Variants in ADK observed in about 807,000 individuals in gnomAD.
The protein encoded by ADK is N6,N6-dimethyladenosine kinase.
ADK carries 24 observed loss-of-function variants against 44.7 expected under a neutral mutation model. That is an observed-to-expected ratio of 0.54 (90% CI 0.39 to 0.76). ADK has a LOEUF of 0.76. Ranked by LOEUF, ADK falls within the 30% of genes least tolerant of loss-of-function variation. The pLI is 0.00. For missense variants in ADK, 321 were observed against 425.1 expected, an observed-to-expected ratio of 0.76 and a Z score of 2.15; for synonymous variants, 128 against 142.6, an observed-to-expected ratio of 0.90 and a Z score of 0.73.
intron 4 of ADK, among the ~76,000 whole-genome samples, chr10:74,340,550 A>G (rs1841549804): frequency 6.6e-6 from 1 of 152,176 alleles, no homozygotes; most frequent in Non-Finnish European, 1.5e-5. Context: ...AAAAGAATAG[A>G]AACCTAGACT....
intron 8 of ADK, among the ~76,000 whole-genome samples, chr10:74,597,999 T>G (rs577921433): frequency 6.6e-6 from 1 of 152,314 alleles, no homozygotes; most frequent in African/African-American, 2.4e-5. Context: ...CCTGTTTTCT[T>G]TAATTTTTGC....
intron 9 of ADK, among the ~76,000 whole-genome samples, chr10:74,650,758 A>G (rs1854233697): frequency 6.6e-6 from 1 of 152,208 alleles, no homozygotes; most frequent in African/African-American, 2.4e-5. Flanking sequence ...CCCAGTTTGT[A>G]TATGGTGTCT....
intron 1 of ADK, among the ~76,000 whole-genome samples, chr10:74,200,485 C>CAA (rs78504019): frequency 3.3e-3 from 307 of 93,954 alleles, no homozygotes; most frequent in African/African-American, 0.01. Flanking sequence ...ACTCCGTGTC[C>CAA]AAAAAAAAAA....
chr10:74,514,951 A>G (rs1211207246), intron 6 of ADK, among the ~76,000 whole-genome samples: 1 of 152,046 alleles, frequency 6.6e-6, no homozygotes, highest in Non-Finnish European at 1.5e-5. Context: ...CAACTCCCCA[A>G]GTAGCTGGAA....
rs1298516338 is a variant in ADK at position 74,464,231 on chromosome 10, A to G, written c.556-61025A>G. 3.3e-5 allele frequency among the ~76,000 whole-genome samples: 5 copies of G among 152,160 alleles called. No individual in the cohort carries two copies. The East Asian group carries it at 9.6e-4, about 29-fold the overall frequency. ...AAATTTTCATCTTTGTAAGGATATC[A>G]TGTGAGTGTGCTCAAGGTTTGTTCT... On this transcript the variant is annotated intron_variant, in intron 6 of 10. Coordinates refer to ENST00000539909, the MANE Select transcript of ADK (RefSeq NM_006721.4).
intron 2 of ADK, among the ~76,000 whole-genome samples, chr10:74,216,234 T>A (rs1844012205): frequency 6.6e-6 from 1 of 152,220 alleles, no homozygotes; most frequent in Non-Finnish European, 1.5e-5. Context: ...TACCCTATTA[T>A]ATGTCTTTGC....
intron 4 of ADK, among the ~76,000 whole-genome samples, chr10:74,389,740 G>A (rs557836553): frequency 6.6e-6 from 1 of 152,080 alleles, no homozygotes; most frequent in Non-Finnish European, 1.5e-5. Context: ...TGAAATATTC[G>A]ATAGTAAAAG....
intron 9 of ADK, chr10:74,655,118 G>C (rs541735768): frequency 6.9e-6 from 2 of 291,706 alleles, no homozygotes; most frequent in African/African-American, 4.5e-5. Flanking sequence ...TTGAGGTTGG[G>C]GGTCAAGAAG....
intron 9 of ADK, among the ~76,000 whole-genome samples, chr10:74,666,104 G>A (rs1042304753): frequency 4.6e-5 from 7 of 152,102 alleles, no homozygotes; most frequent in Non-Finnish European, 1.0e-4. Context: ...AGATATTGTG[G>A]CAATTGTAGA....
chr10:74,510,167 A>T (rs187398966), intron 6 of ADK, among the ~76,000 whole-genome samples: 1 of 152,110 alleles, frequency 6.6e-6, no homozygotes, highest in East Asian at 1.9e-4. Flanking sequence ...ACTATTCTCC[A>T]TAGTGGCTAT....
At chr10:74,502,927 A>C (rs1847930875) in intron 6 of ADK, among the ~76,000 whole-genome samples, 1 of 152,208 alleles carries the variant, frequency 6.6e-6, no homozygotes, top group South Asian at 2.1e-4. Flanking sequence ...AATCTGCCTT[A>C]GTTTTCAATT....
chr10:74,647,269 G>A (rs912533199), intron 9 of ADK, among the ~76,000 whole-genome samples: 1 of 152,148 alleles, frequency 6.6e-6, no homozygotes, highest in African/African-American at 2.4e-5. Flanking sequence ...ATCCACAGAC[G>A]ATATAGAGTT....
chr10:74,563,751 A>G (rs1417540910), intron 7 of ADK, among the ~76,000 whole-genome samples: 2 of 152,190 alleles, frequency 1.3e-5, no homozygotes, highest in African/African-American at 4.8e-5. Context: ...GCTGTCATAA[A>G]CCTTGAAAGC....
At chr10:74,598,022 G>A (rs946892990) in intron 8 of ADK, among the ~76,000 whole-genome samples, 9 of 152,086 alleles carry the variant, frequency 5.9e-5, no homozygotes, top group African/African-American at 1.7e-4. Flanking sequence ...ACTAATCTTA[G>A]CATACTTATC....
intron 9 of ADK, chr10:74,641,693 A>G (rs1853847810): frequency 1.3e-5 from 2 of 152,240 alleles, no homozygotes; most frequent in Non-Finnish European, 2.9e-5. Context: ...AGGGAAGTCT[A>G]AAATATTCTT....
intron 3 of ADK, among the ~76,000 whole-genome samples, chr10:74,237,618 G>C (rs972170216): frequency 6.6e-6 from 1 of 152,102 alleles, no homozygotes. Context: ...GAGGAATCAC[G>C]GTCTATGGCA....
chr10:74,485,229 C>T (rs979041613), intron 6 of ADK, among the ~76,000 whole-genome samples: 3 of 151,932 alleles, frequency 2.0e-5, no homozygotes, highest in African/African-American at 4.8e-5. Flanking sequence ...AAGATACCAA[C>T]AGGAAATTTA....
At chr10:74,278,435 C>T (rs1007730911) in intron 3 of ADK, among the ~76,000 whole-genome samples, 7 of 147,750 alleles carry the variant, frequency 4.7e-5, no homozygotes, top group South Asian at 2.1e-4. Context: ...CATTTTTTTC[C>T]AGATTTTTTT....
chr10:74,335,703 A>G (rs1329989479), intron 4 of ADK, among the ~76,000 whole-genome samples: 8 of 152,140 alleles, frequency 5.3e-5, no homozygotes, highest in Non-Finnish European at 1.2e-4. Flanking sequence ...AGCACTTGAT[A>G]TTGTCAGCTT....
Sources: allele counts gnomAD v4.1 joint callset (sites outside exome capture counted in the v4.1 genomes callset), GRCh38; gene constraint gnomAD v4.1.1; transcripts MANE v1.5; gene names NCBI Gene and HGNC (gene_info 2026-07-23, HGNC 2026-07-21).